The following TMC1 variants were observed in gnomAD, a reference collection of about 807,000 sequenced individuals.
The protein encoded by TMC1 is transmembrane channel like 1, also known as transmembrane channel-like protein 1.
A neutral mutation model predicts 105.8 loss-of-function variants in TMC1; 84 were observed. The observed-to-expected ratio is 0.79, with a 90% confidence interval of 0.67 to 0.95. TMC1 has a LOEUF of 0.95. TMC1 is among the 40% of genes least tolerant of loss of function. The probability of loss-of-function intolerance (pLI) is 0.00; values close to 1 mark genes in which losing one functional copy is unlikely to be tolerated. For missense variants in TMC1, 817 were observed against 914.1 expected (o/e 0.89, Z 1.37); for synonymous variants, 315 against 311.5 (o/e 1.01, Z -0.12).
chr9:72,768,344 G>A (rs1380905960), intron 12 of TMC1, among the ~76,000 whole-genome samples: 1 of 152,000 alleles, frequency 6.6e-6, no homozygotes, highest in Non-Finnish European at 1.5e-5. Context: ...GCTAGGGGAG[G>A]GATAGCATTA....
At chr9:72,556,983 C>T (rs901901838) in intron 1 of TMC1, among the ~76,000 whole-genome samples, 2 of 152,182 alleles carry the variant, frequency 1.3e-5, no homozygotes, top group African/African-American at 4.8e-5. Context: ...GCCAGGGATG[C>T]TGCTGAACAT....
intron 14 of TMC1, 121 bp downstream of exon 14, chr9:72,788,604 C>G (rs1242318089): frequency 2.7e-6 from 3 of 1,101,210 alleles, no homozygotes; most frequent in African/African-American, 3.1e-5. Flanking sequence ...CTCATGGTTT[C>G]TGCCTACCAA....
At chr9:72,770,589 ATATAATT>A (rs1163646760) in intron 12 of TMC1, among the ~76,000 whole-genome samples, 1 of 151,116 alleles carries the variant, frequency 6.6e-6, no homozygotes, top group East Asian at 1.9e-4. Context: ...TGGCTGATAT[ATATAATT>A]TATAAGTTAA....
At chr9:72,524,776 A>C (rs372253821) in intron 1 of TMC1, among the ~76,000 whole-genome samples, 9 of 152,210 alleles carry the variant, frequency 5.9e-5, no homozygotes, top group African/African-American at 2.2e-4. Context: ...AAGTGAGAAG[A>C]GAGAGAAATC....
intron 2 of TMC1, among the ~76,000 whole-genome samples, chr9:72,609,927 C>T (rs1377534985): frequency 6.6e-6 from 1 of 152,100 alleles, no homozygotes; most frequent in Admixed American, 6.6e-5. Context: ...CTACCAATCC[C>T]ACCTTTATGC....
intron 15 of TMC1, among the ~76,000 whole-genome samples, chr9:72,789,533 T>TATTAAAAA (rs1828229743): frequency 6.6e-6 from 1 of 152,176 alleles, no homozygotes; most frequent in Admixed American, 6.5e-5. Context: ...GATGGAAAGT[T>TATTAAAAA]AGAGTCAGAA....
intron 20 of TMC1, among the ~76,000 whole-genome samples, chr9:72,825,660 T>C (rs1426120068): frequency 6.6e-6 from 1 of 152,208 alleles, no homozygotes; most frequent in Non-Finnish European, 1.5e-5. Flanking sequence ...TCTTATCTTT[T>C]TTGGTACTTT....
chr9:72,789,205 T>A lies in TMC1; in HGVS notation c.1112T>A (p.Phe371Tyr). ...IRFLRFLANFFVFLTLGGSGY... is the reference protein window; with the variant it reads ...IRFLRFLANFYVFLTLGGSGY... ...TTCCTGAGGTTTCTGGCTAACTTCT[T>A]CGTGTTTCTAACACTTGGAGGGAGT... The change falls in exon 15 of 24, where the codon TTC (phenylalanine) becomes TAC (tyrosine). Residue 371 changes from phenylalanine (F) to tyrosine (Y), a missense_variant. Coordinates refer to ENST00000297784, the MANE Select transcript of TMC1 (RefSeq NM_138691.3). The A allele has an allele frequency of 6.2e-7, 1 of 1,613,996 alleles. No homozygotes were observed. The highest frequency in any genetic ancestry group is 1.1e-5 in the South Asian group (1 of 91,082).
intron 2 of TMC1, among the ~76,000 whole-genome samples, chr9:72,612,899 C>T (rs913725775): frequency 3.9e-5 from 6 of 152,082 alleles, no homozygotes; most frequent in Admixed American, 6.5e-5. Context: ...ACAAAAATTA[C>T]CCTGCCCAAA....
intron 1 of TMC1, among the ~76,000 whole-genome samples, chr9:72,548,890 G>T (rs1266731840): frequency 1.3e-5 from 2 of 152,190 alleles, no homozygotes; most frequent in Admixed American, 1.3e-4. Flanking sequence ...TAAAGACGAT[G>T]TGCTGCTCCA....
chr9:72,727,202 C>G (rs1433901826), intron 8 of TMC1, among the ~76,000 whole-genome samples: 1 of 152,166 alleles, frequency 6.6e-6, no homozygotes, highest in African/African-American at 2.4e-5. Flanking sequence ...GAATTCTTAT[C>G]TCATCTACAA....
intron 8 of TMC1, among the ~76,000 whole-genome samples, chr9:72,711,455 C>CATTCTAACTGGCGTG (rs1826834041): frequency 6.6e-6 from 1 of 152,168 alleles, no homozygotes; most frequent in Non-Finnish European, 1.5e-5. Flanking sequence ...TTAATGATCA[C>CATTCTAACTGGCGTG]CATTCTAACT....
Position 72,791,901 on chromosome 9 carries a change from T to C in TMC1, c.1240T>C (p.Ser414Pro), listed in dbSNP as rs1366287644. 1.2e-6 allele frequency: 2 copies of C among 1,612,494 alleles called. No individual in the cohort carries two copies. Among genetic ancestry groups the C allele is most frequent in the African/African-American group, 2.7e-5 (2 of 74,896 alleles). ...CTCCTTGTAGATGAACATGGTTATG[T>C]CCCTCCTAGGGATGTTCTGTCCAAC... Reference protein sequence around the residue: ...WEKNEMNMVMSLLGMFCPTLF... With the variant: ...WEKNEMNMVMPLLGMFCPTLF... Residue 414 changes from serine (S) to proline (P), a missense_variant, in exon 16 of 24, where the codon TCC becomes CCC. Transcript: ENST00000297784.
intron 18 of TMC1, among the ~76,000 whole-genome samples, chr9:72,814,043 C>T (rs1375070618): frequency 6.6e-6 from 1 of 152,196 alleles, no homozygotes; most frequent in Admixed American, 6.5e-5. Context: ...TGTCTCATCT[C>T]TAATGACCCT....
intron 2 of TMC1, among the ~76,000 whole-genome samples, chr9:72,588,969 C>T (rs1454300507): frequency 2.0e-5 from 3 of 152,062 alleles, no homozygotes; most frequent in Non-Finnish European, 4.4e-5. Context: ...AGGGTTTCTC[C>T]ATGTTGGTCA....
chr9:72,719,648 C>A, intron 8 of TMC1, among the ~76,000 whole-genome samples: 1 of 152,200 alleles, frequency 6.6e-6, no homozygotes, highest in East Asian at 1.9e-4. Context: ...CAAAAGTTCA[C>A]AATGCAAGTC....
chr9:72,538,840 G>A (rs1823629600), intron 1 of TMC1, among the ~76,000 whole-genome samples: 1 of 152,114 alleles, frequency 6.6e-6, no homozygotes, highest in Non-Finnish European at 1.5e-5. Flanking sequence ...GCTACAAAGA[G>A]TCTGTCTTGT....
intron 1 of TMC1, among the ~76,000 whole-genome samples, chr9:72,548,348 G>A (rs1276610559): frequency 6.6e-6 from 1 of 152,100 alleles, no homozygotes; most frequent in African/African-American, 2.4e-5. Context: ...AAGGTGGGGT[G>A]GATCACGAGG....
chr9:72,633,987 T>G (rs1048961726), intron 4 of TMC1, among the ~76,000 whole-genome samples: 11 of 152,176 alleles, frequency 7.2e-5, no homozygotes, highest in Non-Finnish European at 1.5e-4. Context: ...AGAAAGCATT[T>G]GATAATCACA....
Sources: allele counts gnomAD v4.1 joint callset (sites outside exome capture counted in the v4.1 genomes callset), GRCh38; gene constraint gnomAD v4.1.1; transcripts MANE v1.5; gene names NCBI Gene and HGNC (gene_info 2026-07-23, HGNC 2026-07-21).